The following CSMD3 variants were observed in gnomAD, a reference collection of about 807,000 sequenced individuals.
CSMD3 encodes the protein CUB and Sushi multiple domains 3, also known as CUB and sushi domain-containing protein 3.
A neutral mutation model predicts 435.2 loss-of-function variants in CSMD3; 177 were observed. That is an observed-to-expected ratio of 0.41 (90% CI 0.36 to 0.46). CSMD3 has a LOEUF of 0.46. Among genes scored for constraint, CSMD3 ranks in the 20% least tolerant of loss-of-function variants. The probability of loss-of-function intolerance (pLI) is 0.34; values close to 1 mark genes in which losing one functional copy is unlikely to be tolerated. For synonymous variants in CSMD3, 1,656 were observed against 1,520.5 expected, an observed-to-expected ratio of 1.09 and a Z score of -2.07; for missense variants, 4,265 against 4,504.6, an observed-to-expected ratio of 0.95 and a Z score of 1.52.
intron 7 of CSMD3, among the ~76,000 whole-genome samples, chr8:112,975,550 T>A (rs1052401694): frequency 1.4e-4 from 22 of 152,118 alleles, no homozygotes; most frequent in Non-Finnish European, 2.5e-4. Context: ...TAATAAGTAT[T>A]TGGTACTTGT....
At chr8:112,902,654 C>T (rs569244760) in intron 10 of CSMD3, among the ~76,000 whole-genome samples, 1 of 151,238 alleles carries the variant, frequency 6.6e-6, no homozygotes, top group Non-Finnish European at 1.5e-5. Context: ...ATTCTTATAT[C>T]TCTGGTCAAT....
intron 4 of CSMD3, among the ~76,000 whole-genome samples, chr8:113,155,189 C>T (rs1403605451): frequency 6.6e-6 from 1 of 151,940 alleles, no homozygotes; most frequent in East Asian, 1.9e-4. Context: ...TAAAGGCAGA[C>T]AGAAAATGAT....
chr8:112,594,188 A>T (rs1412029674), intron 22 of CSMD3, among the ~76,000 whole-genome samples: 1 of 152,160 alleles, frequency 6.6e-6, no homozygotes, highest in Non-Finnish European at 1.5e-5. Context: ...AAGCAGGGCG[A>T]GGCATTGCCT....
At chr8:113,369,436 A>T (rs2094333644) in intron 1 of CSMD3, among the ~76,000 whole-genome samples, 1 of 151,982 alleles carries the variant, frequency 6.6e-6, no homozygotes, top group African/African-American at 2.4e-5. Flanking sequence ...AAAAAAGGAA[A>T]CTGTTGTACA....
intron 13 of CSMD3, among the ~76,000 whole-genome samples, chr8:112,779,182 C>CGTGT (rs3047099): frequency 7.3e-4 from 109 of 149,254 alleles, no homozygotes; most frequent in East Asian, 1.6e-3. Context: ...TGTGTGTTTG[C>CGTGT]GTGTGTGTGT....
chr8:112,364,385 G>A (rs928274314), intron 38 of CSMD3, among the ~76,000 whole-genome samples: 8 of 151,882 alleles, frequency 5.3e-5, no homozygotes, highest in African/African-American at 1.4e-4. Flanking sequence ...CAGGGACTAC[G>A]TCCTGAGATT....
intron 1 of CSMD3, among the ~76,000 whole-genome samples, chr8:113,346,441 T>G (rs2094151627): frequency 6.6e-6 from 1 of 152,146 alleles, no homozygotes; most frequent in South Asian, 2.1e-4. Flanking sequence ...GCTCCTCTGA[T>G]TCTTTGTCAT....
At chr8:113,372,328 T>C (rs1372255786) in intron 1 of CSMD3, among the ~76,000 whole-genome samples, 1 of 152,194 alleles carries the variant, frequency 6.6e-6, no homozygotes, top group Non-Finnish European at 1.5e-5. Flanking sequence ...TTGGTAAACT[T>C]AGTTGGCCCC....
chr8:113,079,137 T>C (rs2089458109), intron 5 of CSMD3, among the ~76,000 whole-genome samples: 1 of 152,196 alleles, frequency 6.6e-6, no homozygotes, highest in Admixed American at 6.5e-5. Context: ...TTATTATCTC[T>C]AATTATCCTA....
At chr8:113,391,806 G>A (rs1434989079) in intron 1 of CSMD3, among the ~76,000 whole-genome samples, 2 of 151,894 alleles carry the variant, frequency 1.3e-5, no homozygotes, top group Non-Finnish European at 2.9e-5. Context: ...AGAAGGGGAT[G>A]AAGAACTAGA....
chr8:113,210,003 GGTGT>G (rs3048831), intron 3 of CSMD3, among the ~76,000 whole-genome samples: 6,677 of 138,922 alleles, frequency 0.048, 203 homozygotes, highest in Admixed American at 0.12. Flanking sequence ...TCTCCTAAAA[GGTGT>G]GTGTGTGTGT....
intron 38 of CSMD3, among the ~76,000 whole-genome samples, chr8:112,369,125 C>T (rs942468065): frequency 2.0e-4 from 30 of 152,196 alleles, no homozygotes; most frequent in African/African-American, 7.2e-4. Context: ...ATCTACCACA[C>T]TTTGAAAGTA....
At chr8:113,009,867 A>G (rs1385570513) in intron 6 of CSMD3, among the ~76,000 whole-genome samples, 1 of 151,780 alleles carries the variant, frequency 6.6e-6, no homozygotes, top group African/African-American at 2.4e-5. Flanking sequence ...TAGTACCTGA[A>G]CTAATAAAAG....
chr8:113,021,066 GATA>G (rs1031870606), intron 5 of CSMD3, among the ~76,000 whole-genome samples: 10 of 152,230 alleles, frequency 6.6e-5, no homozygotes, highest in African/African-American at 2.2e-4. Context: ...AAAACATTGG[GATA>G]ATTTTTATAT....
At chr8:113,289,719 A>T (rs1010481137) in intron 2 of CSMD3, among the ~76,000 whole-genome samples, 1 of 151,758 alleles carries the variant, frequency 6.6e-6, no homozygotes, top group Non-Finnish European at 1.5e-5. Context: ...ACACTTTATC[A>T]TGTTAATTTT....
intron 6 of CSMD3, among the ~76,000 whole-genome samples, chr8:113,013,327 A>T (rs977552451): frequency 6.6e-6 from 1 of 152,094 alleles, no homozygotes; most frequent in Non-Finnish European, 1.5e-5. Flanking sequence ...TTTATGTTTC[A>T]TCACAATATT....
In CSMD3 at chr8:112,519,441, C is replaced by T. The variant is rs1824048518; in HGVS notation, c.4565-2216G>A. Among the ~76,000 whole-genome samples, 5 of 152,208 alleles carry T rather than the reference C, an allele frequency of 3.3e-5. No homozygotes were observed. In the South Asian group the frequency reaches 1.0e-3, roughly 32 times the overall value. ...AAATTGTCAATAAAAGATTACTTCC[C>T]TTTCTTGTTTTCTTTGCCTCAAAAG... On this transcript the variant is annotated intron_variant, in intron 27 of 70. Coordinates refer to ENST00000297405, the MANE Select transcript of CSMD3 (RefSeq NM_198123.2).
At chr8:112,896,254 C>T (rs914263571) in intron 10 of CSMD3, among the ~76,000 whole-genome samples, 1 of 151,294 alleles carries the variant, frequency 6.6e-6, no homozygotes, top group African/African-American at 2.4e-5. Context: ...CTAACATATC[C>T]CAGCATCAGC....
At chr8:112,904,678 G>T (rs975784207) in intron 10 of CSMD3, among the ~76,000 whole-genome samples, 1 of 151,328 alleles carries the variant, frequency 6.6e-6, no homozygotes, top group Admixed American at 6.6e-5. Context: ...CTCGGTTCTG[G>T]AAGGCACTGA....
Sources: gnomAD v4.1 joint callset for allele counts (sites outside exome capture counted in the v4.1 genomes callset) on GRCh38, gnomAD v4.1.1 for gene constraint, MANE v1.5 for transcripts, NCBI Gene and HGNC (gene_info 2026-07-23, HGNC 2026-07-21) for gene names.